Variants in CELF2 observed in about 807,000 individuals in gnomAD.
CELF2 encodes CUGBP Elav-like family member 2.
A neutral mutation model predicts 62.6 loss-of-function variants in CELF2; 8 were observed. The observed-to-expected ratio is 0.13, with a 90% CI of 0.07 to 0.23. The LOEUF is 0.23. CELF2 is among the 10% of genes least tolerant of loss of function. CELF2 has a pLI of 1.00. For missense variants in CELF2, 333 were observed against 671.0 expected, an observed-to-expected ratio of 0.50 and a Z score of 5.56; for synonymous variants, 258 against 250.0, an observed-to-expected ratio of 1.03 and a Z score of -0.30.
chr10:10,957,350 C>T lies in CELF2; in HGVS notation c.89+37351C>T, dbSNP rs1232465268. ...ATTAACATTCTCTTTGTGCATGTGT[C>T]TCCTCTGGGATTCATTCGCTCTCGC... On this transcript the variant is annotated intron_variant, in intron 2 of 13. Coordinates refer to the CELF2 transcript ENST00000636488. The surrounding 1 kb of genome is among the most constrained non-coding windows in gnomAD (Gnocchi z 4.1). Among the ~76,000 whole-genome samples, 2 of 152,162 alleles carry T rather than the reference C, an allele frequency of 1.3e-5. No individual in the cohort carries two copies. Among genetic ancestry groups the T allele is most frequent in the African/African-American group, 4.8e-5 (2 of 41,414 alleles).
rs1022669704 is a variant in CELF2, at chr10:11,224,653, T to A, written c.354+7146T>A. 6.6e-6 allele frequency among the ~76,000 whole-genome samples: 1 copy of A among 152,130 alleles called. No individual in the cohort carries two copies. Among genetic ancestry groups the A allele is most frequent in the African/African-American group, 2.4e-5 (1 of 41,432 alleles). On this transcript the variant is annotated intron_variant, in intron 3 of 12. Coordinates refer to ENST00000633077, the MANE Select transcript of CELF2 (RefSeq NM_001326342.2). The surrounding 1 kb of genome is among the most constrained non-coding windows in gnomAD (Gnocchi z 4.5). ...TAGAAAATTGTCCAAATTCTGTCAT[T>A]AGCGTATAGGGTTTCCATGAGAACT...
chr10:10,912,030 C>T (rs1191913268), intron 1 of CELF2, among the ~76,000 whole-genome samples: 2 of 152,184 alleles, frequency 1.3e-5, no homozygotes, highest in African/African-American at 4.8e-5. Flanking sequence ...CTTCTTTTCT[C>T]TTAAATTACA....
intron 8 of CELF2, among the ~76,000 whole-genome samples, chr10:11,278,968 G>A (rs968099292): frequency 6.6e-6 from 1 of 152,176 alleles, no homozygotes; most frequent in Non-Finnish European, 1.5e-5. Context: ...CTGGCAAACC[G>A]TGCTCTGTGT....
At chr10:11,118,092 A>G (rs1253059035) in intron 1 of CELF2, among the ~76,000 whole-genome samples, 1 of 152,106 alleles carries the variant, frequency 6.6e-6, no homozygotes, top group Non-Finnish European at 1.5e-5. Context: ...AGTTTTGCAG[A>G]AGTATAAGCA....
In CELF2 at chr10:11,298,467, T is replaced by C. The variant is rs574496392; in HGVS notation, c.976+9915T>C. On this transcript the variant is annotated intron_variant, in intron 9 of 12. Transcript: ENST00000633077. ...ATATCACATATGGGCCAAGAATTGA[T>C]ATATCTGGGGCTAGAAACAAAAACT... Among the ~76,000 whole-genome samples, 62 of 152,308 alleles carry C rather than the reference T, an allele frequency of 4.1e-4. 1 individual carries two copies. The highest frequency in any genetic ancestry group is 8.3e-4 in the South Asian group (4 of 4,826).
rs2094925255 is a variant in CELF2, at chr10:11,315,797, C to T, written c.1096+1539C>T. 6.6e-6 allele frequency among the ~76,000 whole-genome samples: 1 copy of T among 152,240 alleles called. No individual in the cohort carries two copies. The highest frequency in any genetic ancestry group is 1.5e-5 in the Non-Finnish European group (1 of 68,038). ...ACTGCCTTGACCCCCATTTCCGGTA[C>T]AGCTCCTCGCTCTGACCTTGTCCTT... On this transcript the variant is annotated intron_variant, in intron 10 of 12. Transcript: ENST00000633077. The surrounding 1 kb of genome is among the most constrained non-coding windows in gnomAD (Gnocchi z 5.8).
At chr10:10,962,082 AGAGG>A (rs1440078146) in intron 2 of CELF2, among the ~76,000 whole-genome samples, 2 of 151,538 alleles carry the variant, frequency 1.3e-5, no homozygotes, top group Admixed American at 6.6e-5. Context: ...AAGAAAAGAG[AGAGG>A]GAGGGAGGGA....
the CELF2 span, among the ~76,000 whole-genome samples, chr10:10,763,385 A>G: frequency 6.6e-6 from 1 of 152,158 alleles, no homozygotes; most frequent in Non-Finnish European, 1.5e-5. Context: ...GGACTTGGAA[A>G]TTGAGATCCC....
chr10:10,887,492 G>A lies in CELF2; in HGVS notation c.54-32472G>A, dbSNP rs78716408. On this transcript the variant is annotated intron_variant, in intron 1 of 13. Coordinates refer to the CELF2 transcript ENST00000636488. ...AAAGTTCAATTGAATTGACTAGGCCGCTTGTCCAATTGATTTTGCTTCTGT... is the reference window on the plus strand; with the variant it reads ...AAAGTTCAATTGAATTGACTAGGCCACTTGTCCAATTGATTTTGCTTCTGT... 7.6e-3 allele frequency among the ~76,000 whole-genome samples: 1,154 copies of A among 152,304 alleles called. 30 individuals are homozygous for A. The East Asian group carries it at 0.09, about 12-fold the overall frequency.
chr10:11,278,935 C>A (rs527466181), intron 8 of CELF2, among the ~76,000 whole-genome samples: 1 of 152,162 alleles, frequency 6.6e-6, no homozygotes. Context: ...GCTTCAGGTC[C>A]GGCTCACTGA....
the CELF2 span, among the ~76,000 whole-genome samples, chr10:10,495,160 A>G: frequency 6.6e-6 from 1 of 152,130 alleles, no homozygotes; most frequent in South Asian, 2.1e-4. Context: ...GGGCGCCTGT[A>G]GTCCCAGCTA....
At chr10:11,137,422 C>T (rs953650905) in intron 1 of CELF2, among the ~76,000 whole-genome samples, 1 of 152,184 alleles carries the variant, frequency 6.6e-6, no homozygotes, top group Non-Finnish European at 1.5e-5. Context: ...TAGTACAATG[C>T]TGTGGGTAAG....
chr10:11,003,878 T>C (rs2054778336), upstream of CELF2, among the ~76,000 whole-genome samples: 1 of 152,208 alleles, frequency 6.6e-6, no homozygotes, highest in African/African-American at 2.4e-5. The surrounding 1 kb of genome is among the most constrained non-coding windows in gnomAD (Gnocchi z 4.4). Context: ...GGGACAAGGC[T>C]CTCATTTCAT....
chr10:10,743,724 G>A, the CELF2 span, among the ~76,000 whole-genome samples: 1 of 152,152 alleles, frequency 6.6e-6, no homozygotes, highest in Non-Finnish European at 1.5e-5. Context: ...TGGTTGCTAT[G>A]GAAATTATTA....
the CELF2 span, among the ~76,000 whole-genome samples, chr10:10,493,145 G>A: frequency 6.6e-6 from 1 of 152,124 alleles, no homozygotes; most frequent in African/African-American, 2.4e-5. Context: ...GATGAACCTT[G>A]AGGACATTAT....
chr10:11,121,475 G>T (rs1261056965), intron 1 of CELF2, among the ~76,000 whole-genome samples: 1 of 151,790 alleles, frequency 6.6e-6, no homozygotes, highest in African/African-American at 2.4e-5. Flanking sequence ...TTCTTCTTTG[G>T]TTTCTTCTCA....
At chr10:10,640,300 A>G in the CELF2 span, among the ~76,000 whole-genome samples, 4 of 152,162 alleles carry the variant, frequency 2.6e-5, no homozygotes, top group East Asian at 5.8e-4. Flanking sequence ...AATGCTGTGA[A>G]AACATTATTC....
chr10:10,731,138 T>C, the CELF2 span, among the ~76,000 whole-genome samples: 6 of 152,164 alleles, frequency 3.9e-5, no homozygotes, highest in Non-Finnish European at 5.9e-5. Context: ...GCAAGTTTGA[T>C]TGAACATTAA....
the CELF2 span, among the ~76,000 whole-genome samples, chr10:10,712,476 T>A: frequency 0.01 from 1,523 of 152,296 alleles, 24 homozygotes; most frequent in African/African-American, 0.035. Flanking sequence ...CTCTTTTTTT[T>A]AACCAAAGCT....
Sources: allele counts gnomAD v4.1 joint callset (sites outside exome capture counted in the v4.1 genomes callset), GRCh38; gene constraint gnomAD v4.1.1; non-coding constraint Gnocchi (gnomAD v3.1); transcripts MANE v1.5; gene names NCBI Gene and HGNC (gene_info 2026-07-23, HGNC 2026-07-21).